BRAF: variants seen among roughly 807,000 people sequenced by gnomAD.
BRAF encodes the protein B-Raf proto-oncogene, serine/threonine kinase.
In BRAF, 16 loss-of-function variants were observed where a neutral mutation model predicts 104.6. The ratio of observed to expected loss-of-function variants is 0.15; its 90% confidence interval spans 0.10 to 0.23. BRAF has a LOEUF of 0.23. Among genes scored for constraint, BRAF ranks in the 10% least tolerant of loss-of-function variants. BRAF has a pLI of 1.00. For missense variants in BRAF, 541 were observed against 937.3 expected, an observed-to-expected ratio of 0.58 and a Z score of 5.52; for synonymous variants, 310 against 341.6, an observed-to-expected ratio of 0.91 and a Z score of 1.02.
chr7:140,760,762 T>C (rs924355821), intron 14 of BRAF, among the ~76,000 whole-genome samples: 1 of 151,944 alleles, frequency 6.6e-6, no homozygotes, highest in African/African-American at 2.4e-5. Context: ...CAGGAGCCGA[T>C]GCGATCAACT....
chr7:140,805,940 C>T (rs562644745), intron 5 of BRAF, among the ~76,000 whole-genome samples: 5 of 152,282 alleles, frequency 3.3e-5, no homozygotes, highest in Admixed American at 6.5e-5. Context: ...AATCTAATCA[C>T]ATTTCTCCCC....
chr7:140,792,414 G>A (rs565902635), intron 8 of BRAF, among the ~76,000 whole-genome samples: 3 of 152,224 alleles, frequency 2.0e-5, no homozygotes, highest in African/African-American at 7.2e-5. Flanking sequence ...GATATTACCT[G>A]CCTAGTTTCA....
Position 140,734,776 on chromosome 7 carries a change from A to AAAAAAAAAG in BRAF, c.2248-7_2248-6insCTTTTTTTT. On this transcript the variant is annotated splice_region_variant and splice_polypyrimidine_tract_variant and intron_variant, in intron 18 of 19. Transcript: ENST00000644969. Reference sequence around the variant, plus strand: ...AGCTCAATAGAGGCGAGAATCTACAAAAAAAAAAAGAAAAAAAAAAGAAAA... The same window carrying AAAAAAAAAG: ...AGCTCAATAGAGGCGAGAATCTACAAAAAAAAAAGAAAAAAAAAGAAAAAAAAAAGAAAA... The AAAAAAAAAG allele has an allele frequency of 6.8e-7, 1 of 1,478,652 alleles. No individual in the cohort carries two copies. Among genetic ancestry groups the AAAAAAAAAG allele is most frequent in the Non-Finnish European group, 8.9e-7 (1 of 1,121,394 alleles). 91.6% of individuals were successfully genotyped at this position (1,478,652 alleles called of 1,614,324 possible).
intron 1 of BRAF, among the ~76,000 whole-genome samples, chr7:140,920,106 A>G (rs972668898): frequency 6.6e-6 from 1 of 152,224 alleles, no homozygotes; most frequent in African/African-American, 2.4e-5. Flanking sequence ...TGATGAAGAC[A>G]AAATCTAGTA....
intron 1 of BRAF, among the ~76,000 whole-genome samples, chr7:140,886,631 T>C (rs891899876): frequency 6.6e-6 from 1 of 152,216 alleles, no homozygotes; most frequent in African/African-American, 2.4e-5. Flanking sequence ...CTTCTTCAGA[T>C]AGTTTAAATC....
chr7:140,749,965 G>A (rs2128995346), intron 16 of BRAF, among the ~76,000 whole-genome samples: 1 of 152,248 alleles, frequency 6.6e-6, no homozygotes, highest in African/African-American at 2.4e-5. Flanking sequence ...GTATAAACAT[G>A]CCATGGATGC....
At chr7:140,714,192 G>A in the BRAF span, among the ~76,000 whole-genome samples, 1 of 152,136 alleles carries the variant, frequency 6.6e-6, no homozygotes, top group African/African-American at 2.4e-5. Flanking sequence ...AGCTGCAGAC[G>A]GGAGCTGTTC....
At chr7:140,897,502 T>C (rs1416712430) in intron 1 of BRAF, among the ~76,000 whole-genome samples, 4 of 144,730 alleles carry the variant, frequency 2.8e-5, no homozygotes, top group Non-Finnish European at 4.5e-5. Context: ...TCTTTTTTTT[T>C]TTTTTTTTTT....
intron 3 of BRAF, among the ~76,000 whole-genome samples, chr7:140,833,676 A>G (rs1214163906): frequency 6.6e-6 from 1 of 152,236 alleles, no homozygotes; most frequent in African/African-American, 2.4e-5. Flanking sequence ...TTGTCTGTAC[A>G]TGGAAAAAGG....
intron 3 of BRAF, among the ~76,000 whole-genome samples, chr7:140,817,572 C>T (rs1212874797): frequency 6.6e-6 from 1 of 152,188 alleles, no homozygotes; most frequent in Non-Finnish European, 1.5e-5. Context: ...ACCAAAACAG[C>T]ATGGTACTGG....
intron 7 of BRAF, chr7:140,799,085 C>T (rs533900684): frequency 1.1e-5 from 2 of 184,362 alleles, no homozygotes; most frequent in African/African-American, 4.7e-5. Context: ...AACTCCTGAC[C>T]TCGTGATCTG....
At chr7:140,844,123 A>C (rs1331364681) in intron 2 of BRAF, among the ~76,000 whole-genome samples, 1 of 152,184 alleles carries the variant, frequency 6.6e-6, no homozygotes, top group Non-Finnish European at 1.5e-5. Flanking sequence ...CAAGAGCCAC[A>C]TGCATATGGG....
intron 19 of BRAF, chr7:140,732,063 T>C (rs1344328497): frequency 1.3e-3 from 181 of 144,576 alleles, no homozygotes; most frequent in African/African-American, 4.4e-3. Flanking sequence ...CCCAGCTACT[T>C]GGGAGGCTGA....
In BRAF at chr7:140,924,626, C is replaced by A. The variant is rs371877084; in HGVS notation, c.78G>T (p.Glu26Asp). 1.9e-3 allele frequency: 2,863 copies of A among 1,519,096 alleles called. 50 individuals carry two copies. In the African/African-American group the frequency reaches 0.035, roughly 18 times the overall value. 94.1% of individuals were successfully genotyped at this position (1,519,096 alleles called of 1,614,324 possible). A position where few individuals can be genotyped will look rare whatever the true frequency, so the allele number is the denominator to read the frequency against. ...CCGCGGCGCCGGCGCCGGCGCCGGC[C>A]TCGGGCTCCATGTCCCCGTTGAACA... The part of the protein sequence containing the change: ...QALFNGDMEP[E>D]AGAGAGAAAS... The change falls in exon 1 of 20, where the codon GAG (glutamate) becomes GAT (aspartate). Residue 26 changes from glutamate to aspartate, a missense_variant. Physicochemically the swap from Glu to Asp is conservative, Grantham distance 45. Coordinates refer to ENST00000644969, the MANE Select transcript of BRAF (RefSeq NM_001374258.1). This position sits in a 1 kb window ranked among gnomAD's most constrained non-coding sequence, Gnocchi z 4.2.
In BRAF at chr7:140,801,402, G is replaced by C; in HGVS notation, c.860+10C>G. The C allele has an allele frequency of 3.1e-6, 5 of 1,613,220 alleles. No homozygotes were observed. The highest frequency in any genetic ancestry group is 4.2e-6 in the Non-Finnish European group (5 of 1,179,354). On this transcript the variant is annotated intron_variant, in intron 6 of 19. Transcript: ENST00000644969. ...GGTAGGTAGAAAAGAGATATTTTTG[G>C]ATTACTTACTCAAGTTGGTCATAAT...
chr7:140,722,830 C>T lies in BRAF; in HGVS notation c.*3664G>A. On this transcript the variant is annotated 3_prime_UTR_variant, in exon 20 of 20. Coordinates refer to ENST00000644969, the MANE Select transcript of BRAF (RefSeq NM_001374258.1). ...GCTATTTAATTTCATGCAATTGACT[C>T]AAGGTTAAGATTCTGAAACGTACCC... The T allele has an allele frequency of 9.5e-7, 1 of 1,052,982 alleles. No individual in the cohort carries two copies. Among genetic ancestry groups the T allele is most frequent in the Middle Eastern group, 4.3e-4 (1 of 2,320 alleles). 65.2% of individuals were successfully genotyped at this position (1,052,982 alleles called of 1,614,324 possible).
intron 1 of BRAF, among the ~76,000 whole-genome samples, chr7:140,909,853 T>G (rs1383148465): frequency 6.6e-6 from 1 of 151,164 alleles, no homozygotes; most frequent in Non-Finnish European, 1.5e-5. Context: ...AACAAAAAAG[T>G]GCCTCATACA....
intron 3 of BRAF, among the ~76,000 whole-genome samples, chr7:140,821,458 T>A (rs561111767): frequency 6.6e-6 from 1 of 151,714 alleles, no homozygotes; most frequent in Admixed American, 6.6e-5. Flanking sequence ...CCACCATGGC[T>A]GGCTAATTTT....
In BRAF at chr7:140,913,904, G is replaced by C. The variant is rs974905750; in HGVS notation, c.138+10662C>G. On this transcript the variant is annotated intron_variant, in intron 1 of 19. Coordinates refer to ENST00000644969, the MANE Select transcript of BRAF (RefSeq NM_001374258.1). ...CCCATGAATTGCTTACTGAACACAT[G>C]AATCAGTATGTTGCCACTTCATGTT... Among the ~76,000 whole-genome samples the C allele has an allele frequency of 4.4e-4, 67 of 152,096 alleles. 4 individuals are homozygous for C. The highest frequency in any genetic ancestry group is 1.9e-4 in the East Asian group (1 of 5,188).
Sources: allele counts gnomAD v4.1 joint callset (sites outside exome capture counted in the v4.1 genomes callset), GRCh38; gene constraint gnomAD v4.1.1; non-coding constraint Gnocchi (gnomAD v3.1); transcripts MANE v1.5; gene names NCBI Gene and HGNC (gene_info 2026-07-23, HGNC 2026-07-21).